The following MROH9 variants were observed in gnomAD, a reference collection of about 807,000 sequenced individuals.
The protein encoded by MROH9 is maestro heat-like repeat-containing protein family member 9.
A neutral mutation model predicts 98.2 loss-of-function variants in MROH9; 92 were observed. That is an observed-to-expected ratio of 0.94 (90% CI 0.79 to 1.11). The LOEUF (loss-of-function observed/expected upper bound fraction) is 1.11, where lower values mean the gene tolerates loss of function less well. MROH9 is among the 50% of genes most tolerant of loss of function. The pLI, the probability that MROH9 is intolerant of heterozygous loss-of-function variation, is 0.00. For synonymous variants in MROH9, 397 were observed against 368.9 expected, an observed-to-expected ratio of 1.08 and a Z score of -0.87; for missense variants, 1,057 against 1,014.8, an observed-to-expected ratio of 1.04 and a Z score of -0.57.
chr1:171,055,151 G>C (rs946067261), intron 20 of MROH9, among the ~76,000 whole-genome samples: 14 of 152,128 alleles, frequency 9.2e-5, no homozygotes, highest in Admixed American at 5.2e-4. Flanking sequence ...AAAATGGGGT[G>C]TATATATACT....
chr1:170,976,936 C>A (rs1248563626), intron 8 of MROH9, among the ~76,000 whole-genome samples: 1 of 151,988 alleles, frequency 6.6e-6, no homozygotes, highest in Non-Finnish European at 1.5e-5. Flanking sequence ...CCTTTACATT[C>A]TGGTTTCTTT....
intron 8 of MROH9, among the ~76,000 whole-genome samples, chr1:170,978,144 T>A (rs1388230285): frequency 6.6e-6 from 1 of 152,150 alleles, no homozygotes; most frequent in Non-Finnish European, 1.5e-5. Context: ...ACTGAGATTG[T>A]TCAGCCAGTA....
At chr1:170,969,908 C>T (rs1650375445) in intron 7 of MROH9, among the ~76,000 whole-genome samples, 2 of 152,280 alleles carry the variant, frequency 1.3e-5, no homozygotes, top group East Asian at 1.9e-4. Flanking sequence ...GGTTGTCACG[C>T]TTCTGAAGGG....
intron 8 of MROH9, 112 bp from the exon 9 acceptor site, chr1:170,983,310 G>C: frequency 1.5e-6 from 1 of 682,648 alleles, no homozygotes; most frequent in Admixed American, 2.9e-5. Context: ...TAAATATTCG[G>C]AAAACTTCAG....
Position 170,992,457 on chromosome 1 carries a change from A to G in MROH9, c.1194+128A>G, listed in dbSNP as rs911035053. The G allele has an allele frequency of 9.3e-5, 89 of 954,738 alleles. No homozygotes were observed. The African/African-American group carries it at 1.3e-3, about 14-fold the overall frequency. The allele number at this position is 954,738 out of a possible 1,614,324, so 59.1% of individuals were successfully genotyped here. ...CTTCTCATGCATCCATTCATGCAACACATATTTATTGAGTGTCTATTATTT... is the reference window on the plus strand; with the variant it reads ...CTTCTCATGCATCCATTCATGCAACGCATATTTATTGAGTGTCTATTATTT... On this transcript the variant is annotated intron_variant, in intron 12 of 21. Transcript: ENST00000367759.
At chr1:170,972,814 A>AC (rs1491044978) in intron 8 of MROH9, among the ~76,000 whole-genome samples, 16 of 9,016 alleles carry the variant, frequency 1.8e-3, no homozygotes, top group East Asian at 5.0e-3. Context: ...TCCGCCTCAA[A>AC]AAAAAAAAAA....
intron 21 of MROH9, 49 bp from the exon 22 acceptor site, chr1:171,064,050 G>C: frequency 6.7e-7 from 1 of 1,495,696 alleles, no homozygotes; most frequent in Non-Finnish European, 8.9e-7. Flanking sequence ...AAGCTTCATG[G>C]CCTCTAAGAA....
chr1:170,978,839 A>C (rs1465013842), intron 8 of MROH9, among the ~76,000 whole-genome samples: 3 of 152,064 alleles, frequency 2.0e-5, no homozygotes, highest in African/African-American at 7.2e-5. Flanking sequence ...GGGAATCCAG[A>C]CCAGCCTTTG....
At chr1:170,976,423 T>C (rs958511020) in intron 8 of MROH9, among the ~76,000 whole-genome samples, 15 of 152,146 alleles carry the variant, frequency 9.9e-5, no homozygotes, top group African/African-American at 2.9e-4. Flanking sequence ...GAGCCAGATA[T>C]GAAATTCTTG....
At chr1:171,025,501 T>C in intron 20 of MROH9, 81 bp downstream of exon 20, 2 of 911,570 alleles carry the variant, frequency 2.2e-6, no homozygotes, top group Non-Finnish European at 3.4e-6. Context: ...TTTCTTACAT[T>C]TTTTTTAATG....
chr1:170,990,139 G>T (rs1286479976), intron 11 of MROH9, 136 bp downstream of exon 11: 1 of 868,276 alleles, frequency 1.2e-6, no homozygotes, highest in Non-Finnish European at 1.7e-6. Context: ...ATCTATTTTT[G>T]CACCATGTGG....
At chr1:171,059,101 T>C (rs1449739657) in intron 20 of MROH9, among the ~76,000 whole-genome samples, 1 of 151,850 alleles carries the variant, frequency 6.6e-6, no homozygotes, top group African/African-American at 2.4e-5. Flanking sequence ...CTGAGAAAGG[T>C]CTAATATCCA....
intron 15 of MROH9, among the ~76,000 whole-genome samples, chr1:171,000,098 T>C (rs1418679728): frequency 6.6e-6 from 1 of 152,122 alleles, no homozygotes; most frequent in Non-Finnish European, 1.5e-5. Context: ...TTGTCAGATG[T>C]ATAGGCTGTG....
In MROH9 at chr1:170,998,600, A is replaced by G. The variant is rs150416593; in HGVS notation, c.1596+326A>G. The G allele has an allele frequency of 7.9e-5, 104 of 1,308,652 alleles. 1 individual carries two copies. In the African/African-American group the frequency reaches 1.4e-3, roughly 18 times the overall value. 81.1% of individuals were successfully genotyped at this position (1,308,652 alleles called of 1,614,324 possible). A position where few individuals can be genotyped will look rare whatever the true frequency, so the allele number is the denominator to read the frequency against. ...ATATTGAGGGATAATTGGGTTTAATAAAGATGGTAGTTAACATCTGGGATC... is the reference window on the plus strand; with the variant it reads ...ATATTGAGGGATAATTGGGTTTAATGAAGATGGTAGTTAACATCTGGGATC... On this transcript the variant is annotated intron_variant, in intron 15 of 21. Transcript: ENST00000367759.
chr1:171,061,494 A>G (rs146827340), intron 20 of MROH9, among the ~76,000 whole-genome samples: 5 of 152,290 alleles, frequency 3.3e-5, no homozygotes, highest in African/African-American at 9.6e-5. Flanking sequence ...TTAAAAAATG[A>G]TGCATTCGTA....
chr1:170,995,253 C>T, intron 12 of MROH9, 136 bp from the exon 13 acceptor site: 1 of 825,664 alleles, frequency 1.2e-6, no homozygotes, highest in Non-Finnish European at 1.9e-6. Flanking sequence ...TGAATGGATA[C>T]CCATATGTGC....
chr1:170,975,502 A>C (rs1650647392), intron 8 of MROH9, among the ~76,000 whole-genome samples: 1 of 152,122 alleles, frequency 6.6e-6, no homozygotes, highest in African/African-American at 2.4e-5. Flanking sequence ...GCATCACCTA[A>C]ATAGTGTACA....
intron 20 of MROH9, among the ~76,000 whole-genome samples, chr1:171,034,267 AC>A (rs912743901): frequency 3.3e-5 from 5 of 152,216 alleles, no homozygotes; most frequent in African/African-American, 1.2e-4. Flanking sequence ...TTTCAAAAAG[AC>A]AAGAACTCAG....
chr1:171,037,760 A>G (rs1304900658), intron 20 of MROH9, among the ~76,000 whole-genome samples: 2 of 152,036 alleles, frequency 1.3e-5, no homozygotes, highest in Non-Finnish European at 2.9e-5. Context: ...AGGACATAAT[A>G]CCATCCAGAA....
Sources: allele counts gnomAD v4.1 joint callset (sites outside exome capture counted in the v4.1 genomes callset), GRCh38; gene constraint gnomAD v4.1.1; transcripts MANE v1.5; gene names NCBI Gene and HGNC (gene_info 2026-07-23, HGNC 2026-07-21).